NCAM2: variants seen among roughly 807,000 people sequenced by gnomAD.
NCAM2 encodes the protein neural cell adhesion molecule 2, also known as N-CAM-2.
A neutral mutation model predicts 98.1 loss-of-function variants in NCAM2; 30 were observed. The observed-to-expected ratio is 0.31, with a 90% confidence interval of 0.23 to 0.41. NCAM2 has a LOEUF of 0.41. NCAM2 is among the 10% of genes least tolerant of loss of function. The probability of loss-of-function intolerance (pLI) is 1.00; values close to 1 mark genes in which losing one functional copy is unlikely to be tolerated. For missense variants in NCAM2, 867 were observed against 1,005.8 expected, an observed-to-expected ratio of 0.86 and a Z score of 1.87; for synonymous variants, 368 against 342.4, an observed-to-expected ratio of 1.07 and a Z score of -0.83.
chr21:21,017,510 TTGAAATGGA>T (rs1381466642), intron 1 of NCAM2, among the ~76,000 whole-genome samples: 3 of 151,118 alleles, frequency 2.0e-5, no homozygotes, highest in Non-Finnish European at 2.9e-5. Flanking sequence ...GAGTGGTGAT[TTGAAATGGA>T]CCGATGAGGC....
intron 1 of NCAM2, among the ~76,000 whole-genome samples, chr21:21,138,249 C>T (rs1193633663): frequency 6.6e-6 from 1 of 152,126 alleles, no homozygotes; most frequent in Non-Finnish European, 1.5e-5. Context: ...TACTAGTATG[C>T]CTTGATCTGC....
At chr21:21,224,336 T>A (rs980159435) in intron 1 of NCAM2, among the ~76,000 whole-genome samples, 1 of 152,202 alleles carries the variant, frequency 6.6e-6, no homozygotes, top group East Asian at 1.9e-4. Flanking sequence ...ATGCTTAAGA[T>A]GTTTTTGTTT....
chr21:21,147,956 C>T (rs2067335406), intron 1 of NCAM2, among the ~76,000 whole-genome samples: 1 of 151,642 alleles, frequency 6.6e-6, no homozygotes, highest in Admixed American at 6.6e-5. Flanking sequence ...GCTGTGATTC[C>T]AGTCTGAATC....
intron 16 of NCAM2, among the ~76,000 whole-genome samples, chr21:21,533,336 C>T (rs1602578280): frequency 6.6e-6 from 1 of 151,702 alleles, no homozygotes; most frequent in African/African-American, 2.4e-5. Flanking sequence ...TGTCATTATG[C>T]ATTTGTCATT....
intron 5 of NCAM2, among the ~76,000 whole-genome samples, chr21:21,306,314 C>A (rs1477984312): frequency 1.3e-5 from 2 of 152,070 alleles, no homozygotes; most frequent in Non-Finnish European, 2.9e-5. Context: ...TTGTCTATTT[C>A]TTTTCACAGT....
At chr21:21,065,471 A>G (rs550590039) in intron 1 of NCAM2, among the ~76,000 whole-genome samples, 1 of 152,320 alleles carries the variant, frequency 6.6e-6, no homozygotes, top group East Asian at 1.9e-4. Context: ...CCACAGTCTA[A>G]GCATCATAAA....
chr21:21,174,087 A>G (rs1468036210), intron 1 of NCAM2, among the ~76,000 whole-genome samples: 1 of 151,912 alleles, frequency 6.6e-6, no homozygotes, highest in Non-Finnish European at 1.5e-5. Flanking sequence ...CTACGCCCTA[A>G]TTTTTGTATT....
chr21:21,495,218 TTTATC>T (rs1195607302), intron 15 of NCAM2, among the ~76,000 whole-genome samples: 1 of 152,012 alleles, frequency 6.6e-6, no homozygotes, highest in Non-Finnish European at 1.5e-5. Flanking sequence ...TTCATAGTAT[TTTATC>T]TTATTTAGTT....
chr21:21,085,230 A>G lies in NCAM2; in HGVS notation c.55+86612A>G, dbSNP rs551639578. On this transcript the variant is annotated intron_variant, in intron 1 of 17. Transcript: ENST00000400546. ...TTTTTTTTAATTATAAAGAATGGAG[A>G]GTTTCTTAATTTAACTTCCTTCAAA... Among the ~76,000 whole-genome samples, 21 of 150,676 alleles carry G rather than the reference A, an allele frequency of 1.4e-4. No individual in the cohort carries two copies. The East Asian group carries it at 4.1e-3, about 29-fold the overall frequency.
intron 11 of NCAM2, among the ~76,000 whole-genome samples, chr21:21,426,728 C>T (rs1431275532): frequency 2.0e-5 from 3 of 152,120 alleles, no homozygotes; most frequent in Non-Finnish European, 4.4e-5. Flanking sequence ...TCCATGCGCA[C>T]CTCCTGAGAA....
chr21:21,105,813 T>A (rs1461890804), intron 1 of NCAM2, among the ~76,000 whole-genome samples: 1 of 152,094 alleles, frequency 6.6e-6, no homozygotes, highest in African/African-American at 2.4e-5. Flanking sequence ...TTCACGGAAT[T>A]TTTCCCAAGG....
chr21:21,075,865 C>G (rs1348078698), intron 1 of NCAM2, among the ~76,000 whole-genome samples: 2 of 151,918 alleles, frequency 1.3e-5, no homozygotes, highest in East Asian at 3.9e-4. Flanking sequence ...GCCTGTAATC[C>G]CAGCACTTTG....
intron 1 of NCAM2, among the ~76,000 whole-genome samples, chr21:21,109,429 C>A (rs759119711): frequency 5.7e-4 from 87 of 152,170 alleles, no homozygotes; most frequent in Middle Eastern, 3.4e-3. Context: ...ATACTATGTA[C>A]CCACCAAAAT....
intron 1 of NCAM2, among the ~76,000 whole-genome samples, chr21:21,149,281 A>T (rs938217891): frequency 1.3e-5 from 2 of 152,190 alleles, no homozygotes; most frequent in Non-Finnish European, 2.9e-5. Context: ...ATTACATTGA[A>T]TCTATAGGTC....
chr21:21,016,347 G>A (rs1288119209), intron 1 of NCAM2, among the ~76,000 whole-genome samples: 1 of 152,172 alleles, frequency 6.6e-6, no homozygotes, highest in African/African-American at 2.4e-5. Flanking sequence ...CAATATCAAA[G>A]CCAACGTTTA....
chr21:21,307,834 A>C (rs139720768), intron 5 of NCAM2, among the ~76,000 whole-genome samples: 66 of 152,296 alleles, frequency 4.3e-4, no homozygotes, highest in African/African-American at 1.5e-3. Flanking sequence ...TTCTTCTTAC[A>C]GCTGAAGAGA....
intron 12 of NCAM2, among the ~76,000 whole-genome samples, chr21:21,455,511 T>A (rs1982008910): frequency 6.6e-6 from 1 of 151,956 alleles, no homozygotes. Context: ...CATAGAAATG[T>A]TTATTCATAG....
chr21:21,255,590 A>G (rs539640983), intron 1 of NCAM2, among the ~76,000 whole-genome samples: 2 of 152,332 alleles, frequency 1.3e-5, no homozygotes, highest in African/African-American at 4.8e-5. Context: ...TCTTAATTTC[A>G]TAACACTAAC....
intron 8 of NCAM2, among the ~76,000 whole-genome samples, chr21:21,362,764 A>C (rs1442433682): frequency 1.3e-5 from 2 of 152,206 alleles, no homozygotes; most frequent in Non-Finnish European, 2.9e-5. Flanking sequence ...AGAGTGCTTG[A>C]ACTGTCAAAC....
Sources: gnomAD v4.1 joint callset for allele counts (sites outside exome capture counted in the v4.1 genomes callset) on GRCh38, gnomAD v4.1.1 for gene constraint, MANE v1.5 for transcripts, NCBI Gene and HGNC (gene_info 2026-07-23, HGNC 2026-07-21) for gene names.